STPG2: variants seen among roughly 807,000 people sequenced by gnomAD.
STPG2 encodes sperm tail PG-rich repeat containing 2, also known as sperm-tail PG-rich repeat-containing protein 2.
Under a neutral mutation model 54.2 loss-of-function variants are expected in STPG2, and 56 were observed. The observed-to-expected ratio is 1.03, with a 90% CI of 0.83 to 1.29. The LOEUF (loss-of-function observed/expected upper bound fraction) is 1.29, where lower values mean the gene tolerates loss of function less well. Among genes scored for constraint, STPG2 ranks in the 50% most tolerant of loss-of-function variants. STPG2 has a pLI of 0.00. For synonymous variants in STPG2, 200 were observed against 181.8 expected (o/e 1.10, Z -0.81); for missense variants, 596 against 544.9 (o/e 1.09, Z -0.93).
intron 8 of STPG2, among the ~76,000 whole-genome samples, chr4:97,861,061 C>A (rs1223203989): frequency 6.6e-6 from 1 of 152,078 alleles, no homozygotes; most frequent in Non-Finnish European, 1.5e-5. Flanking sequence ...AAGAGACAAC[C>A]CTCAGAATGG....
intron 8 of STPG2, among the ~76,000 whole-genome samples, chr4:97,922,805 A>G (rs750492000): frequency 2.0e-5 from 3 of 151,982 alleles, no homozygotes; most frequent in Non-Finnish European, 4.4e-5. Context: ...CATAATTGCA[A>G]TTTTCCAAAT....
At chr4:98,089,010 C>T (rs1169741813) in intron 5 of STPG2, among the ~76,000 whole-genome samples, 1 of 152,066 alleles carries the variant, frequency 6.6e-6, no homozygotes, top group African/African-American at 2.4e-5. Context: ...ATTCAGTCCC[C>T]CTCTGGCTCC....
intron 8 of STPG2, among the ~76,000 whole-genome samples, chr4:97,923,239 C>T (rs900611922): frequency 2.6e-5 from 4 of 152,168 alleles, no homozygotes; most frequent in East Asian, 3.9e-4. Context: ...CCTCAGCCTG[C>T]GGGGGGGTGT....
rs796323290 is a variant in STPG2 at position 97,768,704 on chromosome 4, C to CTT, written c.1205-55892_1205-55891dup. The stretch of plus-strand genomic sequence containing the variant: ...ACCACTCCATAGTTTGGTGGTCTCT[C>CTT]TTTTTTTTTTTTCCCAAGAAGGAGT... On this transcript the variant is annotated intron_variant, in intron 9 of 10. Coordinates refer to ENST00000295268, the MANE Select transcript of STPG2 (RefSeq NM_174952.3). Among the ~76,000 whole-genome samples, 7 of 145,662 alleles carry CTT rather than the reference C, an allele frequency of 4.8e-5. No homozygotes were observed. In the Admixed American group the frequency reaches 4.8e-4, roughly 10 times the overall value.
chr4:97,830,324 G>A (rs111524181), intron 9 of STPG2, among the ~76,000 whole-genome samples: 38 of 152,020 alleles, frequency 2.5e-4, no homozygotes, highest in South Asian at 6.2e-4. Flanking sequence ...AATCAAATGC[G>A]GAGAGATTTT....
At chr4:97,965,434 C>A (rs1197371914) in intron 7 of STPG2, among the ~76,000 whole-genome samples, 1 of 152,228 alleles carries the variant, frequency 6.6e-6, no homozygotes, top group Admixed American at 6.5e-5. Flanking sequence ...CAAAAGGCAG[C>A]AGACAGCTTC....
chr4:97,738,299 T>A (rs1222414156), intron 9 of STPG2, among the ~76,000 whole-genome samples: 1 of 152,128 alleles, frequency 6.6e-6, no homozygotes, highest in Non-Finnish European at 1.5e-5. Context: ...AGAAACTGCA[T>A]CAACTAACGA....
chr4:98,020,914 TC>T (rs1163324453), intron 5 of STPG2, among the ~76,000 whole-genome samples: 1 of 152,106 alleles, frequency 6.6e-6, no homozygotes. Context: ...TCTCTTTTCT[TC>T]TTTATTAGTC....
chr4:98,018,219 C>T (rs559559272), intron 5 of STPG2, among the ~76,000 whole-genome samples: 11 of 152,062 alleles, frequency 7.2e-5, no homozygotes, highest in Admixed American at 6.6e-4. Context: ...TTCCTGTGTC[C>T]ATGTGTTCTC....
At chr4:97,718,870 A>G (rs1409646565) in intron 9 of STPG2, among the ~76,000 whole-genome samples, 2 of 151,962 alleles carry the variant, frequency 1.3e-5, no homozygotes, top group Non-Finnish European at 2.9e-5. Flanking sequence ...ATTCAGCAGC[A>G]TTCTTCCCTT....
At chr4:97,478,075 G>A (rs1353659749) in intron 4 of STPG2, among the ~76,000 whole-genome samples, 17 of 152,108 alleles carry the variant, frequency 1.1e-4, no homozygotes. Flanking sequence ...GGATGAAAAC[G>A]TTAAACAGAT....
chr4:97,699,848 G>A (rs1230625818), intron 10 of STPG2, among the ~76,000 whole-genome samples: 1 of 152,186 alleles, frequency 6.6e-6, no homozygotes, highest in East Asian at 1.9e-4. Flanking sequence ...TGGAGACCAT[G>A]GGCATTTGAG....
intron 9 of STPG2, among the ~76,000 whole-genome samples, chr4:97,741,328 A>T (rs201524481): frequency 6.6e-6 from 1 of 152,192 alleles, no homozygotes; most frequent in Non-Finnish European, 1.5e-5. Context: ...CTAAAACACC[A>T]AAAGCAATGG....
At chr4:97,463,319 C>T (rs370564169) in intron 4 of STPG2, among the ~76,000 whole-genome samples, 32 of 152,122 alleles carry the variant, frequency 2.1e-4, no homozygotes, top group African/African-American at 5.3e-4. Context: ...AAATTTCGGA[C>T]GCTTTATTAG....
chr4:98,025,977 C>A, intron 5 of STPG2: 1 of 1,166,376 alleles, frequency 8.6e-7, no homozygotes, highest in South Asian at 1.3e-5. Flanking sequence ...ACAGGAAGCA[C>A]ATTGTGGGCC....
intron 8 of STPG2, among the ~76,000 whole-genome samples, chr4:97,928,488 C>T (rs1459577611): frequency 6.6e-6 from 1 of 151,980 alleles, no homozygotes; most frequent in South Asian, 2.1e-4. Flanking sequence ...CAAAATAATA[C>T]CTTCACTTCA....
rs537430328 is a variant in STPG2, at chr4:97,695,248, T to C, written c.1320+17451A>G. On this transcript the variant is annotated intron_variant, in intron 10 of 10. Coordinates refer to ENST00000295268, the MANE Select transcript of STPG2 (RefSeq NM_174952.3). ...AACAGAATTAAAAACAAAAATCAGA[T>C]GATCATCTCAATAGATACAGAAAAT... is the stretch of plus-strand genomic sequence containing the variant. Among the ~76,000 whole-genome samples the C allele has an allele frequency of 2.2e-4, 33 of 152,224 alleles. No homozygotes were observed. In the East Asian group the frequency reaches 6.2e-3, roughly 29 times the overall value.
intron 10 of STPG2, among the ~76,000 whole-genome samples, chr4:97,711,103 G>A (rs1030929497): frequency 1.3e-5 from 2 of 151,926 alleles, no homozygotes; most frequent in African/African-American, 2.4e-5. Flanking sequence ...CATCCTTTAC[G>A]AAGAATGCAT....
intron 7 of STPG2, among the ~76,000 whole-genome samples, 173 bp from the exon 8 acceptor site, chr4:97,944,180 A>C (rs1733110430): frequency 6.6e-6 from 1 of 152,146 alleles, no homozygotes; most frequent in African/African-American, 2.4e-5. Flanking sequence ...AAAAGCTGTA[A>C]GTCAATGAGA....
Sources: gnomAD v4.1 joint callset for allele counts (sites outside exome capture counted in the v4.1 genomes callset) on GRCh38, gnomAD v4.1.1 for gene constraint, MANE v1.5 for transcripts, NCBI Gene and HGNC (gene_info 2026-07-23, HGNC 2026-07-21) for gene names.